Variants in WNK1 observed in about 807,000 individuals in gnomAD.
WNK1 encodes serine/threonine-protein kinase WNK1.
A neutral mutation model predicts 222.8 loss-of-function variants in WNK1; 38 were observed. The observed-to-expected ratio is 0.17, with a 90% CI of 0.13 to 0.22. The LOEUF is 0.22. WNK1 is among the 10% of genes least tolerant of loss of function. The pLI is 1.00. For missense variants in WNK1, 2,348 were observed against 2,918.4 expected (o/e 0.80, Z 4.50); for synonymous variants, 1,090 against 1,092.9 (o/e 1.00, Z 0.05).
rs922661308 is a variant in WNK1, at chr12:897,742, G to T, written c.6448+61G>T. 1.8e-5 allele frequency: 27 copies of T among 1,523,170 alleles called. No homozygotes were observed. In the Admixed American group the frequency reaches 2.1e-4, roughly 12 times the overall value. 94.4% of individuals were successfully genotyped at this position (1,523,170 alleles called of 1,614,324 possible). ...CTATCTTTTGTTTCTGTCTCCAGCT[G>T]TATGTGACCTGCTGAACATTTGTTG... is the stretch of plus-strand genomic sequence containing the variant. On this transcript the variant is annotated intron_variant, in intron 25 of 27. Transcript: ENST00000315939.
intron 1 of WNK1, among the ~76,000 whole-genome samples, chr12:781,702 A>C (rs1943729362): frequency 6.6e-6 from 1 of 152,188 alleles, no homozygotes; most frequent in African/African-American, 2.4e-5. Context: ...ACCTTTTTGG[A>C]TTTGAGTTTT....
chr12:907,611 G>A (rs912138466), intron 26 of WNK1: 15 of 570,646 alleles, frequency 2.6e-5, no homozygotes, highest in African/African-American at 1.5e-4. Context: ...TGTACCTACC[G>A]TCATCCTGAG....
At chr12:874,717 A>G (rs1439687074) in intron 9 of WNK1, among the ~76,000 whole-genome samples, 1 of 152,216 alleles carries the variant, frequency 6.6e-6, no homozygotes, top group Non-Finnish European at 1.5e-5. Context: ...TCGTTTTAAG[A>G]ACCCTATAAG....
intron 11 of WNK1, 87 bp from the exon 12 acceptor site, chr12:880,634 C>CT (rs11334619): frequency 0.015 from 17,302 of 1,193,040 alleles, 64 homozygotes; most frequent in African/African-American, 0.05. Context: ...CTGTGTGCTT[C>CT]TTTTTTTTTT....
In WNK1 at chr12:796,293, G is replaced by A. The variant is rs1029438799; in HGVS notation, c.760-17349G>A. On this transcript the variant is annotated intron_variant, in intron 1 of 27. Transcript: ENST00000315939. ...AGATTAGTATAAGGACCTTGTAACA[G>A]TATATTCTTAATTCCTTTATTCCAT... Among the ~76,000 whole-genome samples the A allele has an allele frequency of 3.5e-4, 53 of 152,096 alleles. 1 individual carries two copies. Among genetic ancestry groups the A allele is most frequent in the Admixed American group, 9.2e-4 (14 of 15,276 alleles).
intron 26 of WNK1, among the ~76,000 whole-genome samples, chr12:902,026 G>A (rs901650877): frequency 1.3e-5 from 2 of 151,870 alleles, no homozygotes; most frequent in Non-Finnish European, 2.9e-5. Context: ...AGCCAGACAC[G>A]GTGGCGTACA....
chr12:830,814 G>A (rs981616488), intron 4 of WNK1, among the ~76,000 whole-genome samples: 1 of 151,992 alleles, frequency 6.6e-6, no homozygotes, highest in Non-Finnish European at 1.5e-5. Flanking sequence ...AATCATTTCT[G>A]CATCATCCAA....
At chr12:869,072 T>G in intron 8 of WNK1, 1 of 1,614,040 alleles carries the variant, frequency 6.2e-7, no homozygotes, top group Non-Finnish European at 8.5e-7. Flanking sequence ...AACTGCCTCA[T>G]TTTCTTCAGG....
chr12:882,813 C>A, intron 14 of WNK1, 130 bp from the exon 15 acceptor site: 1 of 698,200 alleles, frequency 1.4e-6, no homozygotes, highest in Non-Finnish European at 2.6e-6. Context: ...AGTACTAGTG[C>A]TCCAAGGAAC....
rs1956006294 is a variant in WNK1 at position 910,490 on chromosome 12, T to C, written c.*1698T>C. 1 of 152,226 alleles carries C rather than the reference T, an allele frequency of 6.6e-6. No individual in the cohort carries two copies. Among genetic ancestry groups the C allele is most frequent in the Non-Finnish European group, 1.5e-5 (1 of 68,040 alleles). The allele number at this position is 152,226 out of a possible 1,614,324, so 9.4% of individuals were successfully genotyped here. A position where few individuals can be genotyped will look rare whatever the true frequency, so the allele number is the denominator to read the frequency against. The stretch of plus-strand genomic sequence containing the variant: ...GCAACCAATCAGTGTTATTCAGTGC[T>C]ATGCCTCCTTGTAATGGGTAGTTAT... On this transcript the variant is annotated 3_prime_UTR_variant, in exon 28 of 28. Coordinates refer to ENST00000315939, the MANE Select transcript of WNK1 (RefSeq NM_018979.4).
intron 26 of WNK1, among the ~76,000 whole-genome samples, chr12:903,958 G>A (rs1370349494): frequency 6.6e-6 from 1 of 152,220 alleles, no homozygotes; most frequent in Non-Finnish European, 1.5e-5. Flanking sequence ...TATGTGGGAT[G>A]TGGAAATATA....
At chr12:770,819 A>C (rs1332400308) in intron 1 of WNK1, among the ~76,000 whole-genome samples, 1 of 152,156 alleles carries the variant, frequency 6.6e-6, no homozygotes, top group Non-Finnish European at 1.5e-5. Context: ...CATGTCCGGT[A>C]ATCAGAAATG....
chr12:886,979 C>G (rs1326458277), intron 19 of WNK1, among the ~76,000 whole-genome samples: 1 of 152,104 alleles, frequency 6.6e-6, no homozygotes, highest in East Asian at 1.9e-4. Flanking sequence ...TAGGGGACAA[C>G]TTTTTACTGT....
At chr12:788,407 T>G (rs943514622) in intron 1 of WNK1, among the ~76,000 whole-genome samples, 1 of 152,174 alleles carries the variant, frequency 6.6e-6, no homozygotes, top group Non-Finnish European at 1.5e-5. Flanking sequence ...AGTTATACTC[T>G]GCTAACATGA....
intron 4 of WNK1, among the ~76,000 whole-genome samples, chr12:831,931 T>C (rs1173938397): frequency 6.6e-6 from 1 of 152,162 alleles, no homozygotes; most frequent in Non-Finnish European, 1.5e-5. Flanking sequence ...ATATGTTATA[T>C]TGCACCGAGA....
chr12:773,987 T>G (rs1942830303), intron 1 of WNK1, among the ~76,000 whole-genome samples: 1 of 152,202 alleles, frequency 6.6e-6, no homozygotes, highest in Non-Finnish European at 1.5e-5. Flanking sequence ...AAATTTAATC[T>G]GTGTTGTATC....
chr12:888,137 T>G (rs1210746199), intron 20 of WNK1, among the ~76,000 whole-genome samples: 2 of 152,240 alleles, frequency 1.3e-5, no homozygotes, highest in Non-Finnish European at 2.9e-5. Flanking sequence ...TAGGAATTTA[T>G]TTTTGAATCA....
At chr12:899,483 A>G (rs921045070) in intron 25 of WNK1, among the ~76,000 whole-genome samples, 8 of 152,016 alleles carry the variant, frequency 5.3e-5, no homozygotes, top group African/African-American at 1.4e-4. Flanking sequence ...TAGTTGCACT[A>G]TGTTGGCCAG....
At chr12:871,598 A>G (rs1324114976) in intron 9 of WNK1, among the ~76,000 whole-genome samples, 1 of 152,190 alleles carries the variant, frequency 6.6e-6, no homozygotes, top group African/African-American at 2.4e-5. Context: ...TCTTTTTAAA[A>G]GAGGATTCTA....
Sources: allele counts gnomAD v4.1 joint callset (sites outside exome capture counted in the v4.1 genomes callset), GRCh38; gene constraint gnomAD v4.1.1; transcripts MANE v1.5; gene names NCBI Gene and HGNC (gene_info 2026-07-23, HGNC 2026-07-21).